The following TCF21 variants were observed in gnomAD, a reference collection of about 807,000 sequenced individuals.
TCF21 encodes capsulin.
TCF21 carries 3 observed loss-of-function variants against 13.5 expected under a neutral mutation model. The ratio of observed to expected loss-of-function variants is 0.22; its 90% CI spans 0.10 to 0.57. The LOEUF (loss-of-function observed/expected upper bound fraction) is 0.57. TCF21 is among the 20% of genes least tolerant of loss of function. The pLI is 0.92. For missense variants in TCF21, 181 were observed against 238.4 expected, an observed-to-expected ratio of 0.76 and a Z score of 1.59; for synonymous variants, 92 against 101.7, an observed-to-expected ratio of 0.90 and a Z score of 0.57.
chr6:133,889,272 G>C lies in TCF21; in HGVS notation c.-126G>C. 4 of 1,239,306 alleles carry C rather than the reference G, an allele frequency of 3.2e-6. No individual in the cohort carries two copies. Among genetic ancestry groups the C allele is most frequent in the Non-Finnish European group, 4.7e-6 (4 of 856,860 alleles). 76.8% of individuals were successfully genotyped at this position (1,239,306 alleles called of 1,614,324 possible). A position where few individuals can be genotyped will look rare whatever the true frequency, so the allele number is the denominator to read the frequency against. ...ACCCCAACTCCAGCTCCCAGCAGGA[G>C]GTGGCTGCGCCACACTCGGGAGGCC... On this transcript the variant is annotated 5_prime_UTR_variant, in exon 1 of 2. Coordinates refer to ENST00000367882, the MANE Select transcript of TCF21 (RefSeq NM_003206.4). The surrounding 1 kb of genome is among the most constrained non-coding windows in gnomAD (Gnocchi z 5.1).
Position 133,889,307 on chromosome 6 carries a change from C to T in TCF21, c.-91C>T. 1 of 1,547,132 alleles carries T rather than the reference C, an allele frequency of 6.5e-7. No homozygotes were observed. Among genetic ancestry groups the T allele is most frequent in the East Asian group, 2.2e-5 (1 of 44,576 alleles). ...CCACACTCGGGAGGCCTCTTGGTTT[C>T]AGGGTCTCTCTGTCTCTCTCTCACC... On this transcript the variant is annotated 5_prime_UTR_variant, in exon 1 of 2. Transcript: ENST00000367882. The surrounding 1 kb of genome is among the most constrained non-coding windows in gnomAD (Gnocchi z 5.1).
In TCF21 at chr6:133,889,618, A is replaced by C. The variant is rs758198915; in HGVS notation, c.221A>C (p.Gln74Pro). 1 of 1,612,574 alleles carries C rather than the reference A, an allele frequency of 6.2e-7. No individual in the cohort carries two copies. Among genetic ancestry groups the C allele is most frequent in the Admixed American group, 1.7e-5 (1 of 59,846 alleles). The change falls in exon 1 of 2, where the codon CAG (glutamine) becomes CCG (proline). Residue 74 changes from glutamine to proline, a missense_variant. Physicochemically the swap from Gln to Pro is moderately conservative, Grantham distance 76 (BLOSUM62 -1). Around this residue, in one of 3 missense-constraint regions of TCF21, gnomAD observed 91 missense variants for 98.5 expected, o/e 0.92. Transcript: ENST00000367882. The surrounding 1 kb of genome is among the most constrained non-coding windows in gnomAD (Gnocchi z 5.1). Reference protein sequence around the residue: ...TKKSPLSGVSQEGKQVQRNAA... With the variant: ...TKKSPLSGVSPEGKQVQRNAA... ...AAGAGCCCCCTGAGCGGGGTCAGCC[A>C]GGAGGGGAAGCAGGTCCAGCGCAAC...
rs3068172 is a variant in TCF21, at chr6:133,889,359, GTC to G, written c.-22_-21del. 3.7e-3 allele frequency: 4,972 copies of G among 1,350,646 alleles called. No homozygotes were observed. The highest frequency in any genetic ancestry group is 4.1e-3 in the East Asian group (117 of 28,558). The allele number at this position is 1,350,646 out of a possible 1,614,324, so 83.7% of individuals were successfully genotyped here. A position where few individuals can be genotyped will look rare whatever the true frequency, so the allele number is the denominator to read the frequency against. ...TCTTCCTCGCTTTCTCTGTCTCTCT[GTC>G]TCTCTCTCTCTCTCTCCCTCGTCCA... On this transcript the variant is annotated 5_prime_UTR_variant, in exon 1 of 2. Coordinates refer to ENST00000367882, the MANE Select transcript of TCF21 (RefSeq NM_003206.4). This position sits in a 1 kb window ranked among gnomAD's most constrained non-coding sequence, Gnocchi z 5.1.
chr6:133,889,666 C>T lies in TCF21; in HGVS notation c.269C>T (p.Ala90Val), dbSNP rs1384751255. 1 of 1,613,744 alleles carries T rather than the reference C, an allele frequency of 6.2e-7. No homozygotes were observed. Among genetic ancestry groups the T allele is most frequent in the Non-Finnish European group, 8.5e-7 (1 of 1,179,956 alleles). Reference sequence around the variant, plus strand: ...AACGCCGCCAACGCGCGAGAGCGGGCCCGCATGCGAGTGCTGAGCAAGGCC... The same window carrying T: ...AACGCCGCCAACGCGCGAGAGCGGGTCCGCATGCGAGTGCTGAGCAAGGCC... ...QRNAANARER[A>V]RMRVLSKAFS... is the part of the protein sequence containing the mutation. Residue 90 changes from alanine to valine, a missense_variant, in exon 1 of 2, where the codon GCC (alanine) becomes GTC (valine). Transcript: ENST00000367882. The surrounding 1 kb of genome is among the most constrained non-coding windows in gnomAD (Gnocchi z 5.1).
chr6:133,890,901 A>T (rs1273872791), intron 1 of TCF21, among the ~76,000 whole-genome samples: 1 of 152,210 alleles, frequency 6.6e-6, no homozygotes, highest in Admixed American at 6.5e-5. Context: ...TTTCTCTCCA[A>T]TTGAAAGTTT....
At chr6:133,890,559 C>T (rs1775195922) in intron 1 of TCF21, among the ~76,000 whole-genome samples, 1 of 152,138 alleles carries the variant, frequency 6.6e-6, no homozygotes, top group Non-Finnish European at 1.5e-5. Context: ...AAAAGTAATG[C>T]CCATTGAGCC....
Position 133,892,117 on chromosome 6 carries a change from G to A in TCF21, c.*315G>A. Reference sequence around the variant, plus strand: ...ATAAGAGCCTATCAATGTATCTTTTGTACAATATGTTGTAAAATGTAGATC... The same window carrying A: ...ATAAGAGCCTATCAATGTATCTTTTATACAATATGTTGTAAAATGTAGATC... On this transcript the variant is annotated 3_prime_UTR_variant, in exon 2 of 2. Coordinates refer to ENST00000367882, the MANE Select transcript of TCF21 (RefSeq NM_003206.4). 4.6e-6 allele frequency: 1 copy of A among 219,566 alleles called. No individual in the cohort carries two copies. The highest frequency in any genetic ancestry group is 9.2e-6 in the Non-Finnish European group (1 of 108,628). The allele number at this position is 219,566 out of a possible 1,614,324, so 13.6% of individuals were successfully genotyped here. A position where few individuals can be genotyped will look rare whatever the true frequency, so the allele number is the denominator to read the frequency against.
In TCF21 at chr6:133,889,827, T is replaced by C; in HGVS notation, c.430T>C (p.Tyr144His). The change falls in exon 1 of 2, where the codon TAC becomes CAC. Residue 144 changes from tyrosine (Y) to histidine (H), a missense_variant. Tyr to His is a moderately conservative substitution (Grantham distance 83, BLOSUM62 2). This residue lies in a region of TCF21 where 55 missense variants were observed against 59.5 expected (regional missense o/e 0.92). Transcript: ENST00000367882. The surrounding 1 kb of genome is among the most constrained non-coding windows in gnomAD (Gnocchi z 5.1). ...ILANDKYENG[Y>H]IHPVNLTWPF... ...GGCTAACGACAAATACGAGAACGGG[T>C]ACATTCACCCGGTCAACCTGGTGAG... The C allele has an allele frequency of 6.2e-7, 1 of 1,612,790 alleles. No individual in the cohort carries two copies. Among genetic ancestry groups the C allele is most frequent in the Non-Finnish European group, 8.5e-7 (1 of 1,179,804 alleles).
intron 1 of TCF21, among the ~76,000 whole-genome samples, chr6:133,890,703 A>G (rs1377003475): frequency 1.3e-5 from 2 of 152,220 alleles, no homozygotes; most frequent in Non-Finnish European, 2.9e-5. Flanking sequence ...AAGAAAAACA[A>G]TAACAACAAC....
chr6:133,893,236 T>G (rs1042420458), downstream of TCF21: 1 of 152,362 alleles, frequency 6.6e-6, no homozygotes, highest in African/African-American at 2.4e-5. Context: ...TGCCTGGCCA[T>G]GGAGGAAGGA....
rs1272295128 is a variant in TCF21 at position 133,892,175 on chromosome 6, A to T, written c.*373A>T. ...AGCTGACTTTGACAGTCACATTTAT[A>T]AAGTAATTCACTTAAAGATATATAT... On this transcript the variant is annotated 3_prime_UTR_variant, in exon 2 of 2. Coordinates refer to ENST00000367882, the MANE Select transcript of TCF21 (RefSeq NM_003206.4). The T allele has an allele frequency of 6.3e-6, 1 of 159,846 alleles. No individual in the cohort carries two copies. Among genetic ancestry groups the T allele is most frequent in the East Asian group, 1.8e-4 (1 of 5,714 alleles). 9.9% of individuals were successfully genotyped at this position (159,846 alleles called of 1,614,324 possible). A position where few individuals can be genotyped will look rare whatever the true frequency, so the allele number is the denominator to read the frequency against.
intron 1 of TCF21, 176 bp from the exon 2 acceptor site, chr6:133,891,537 A>C: frequency 1.4e-6 from 1 of 698,300 alleles, no homozygotes; most frequent in Non-Finnish European, 2.5e-6. Context: ...CAAAGCAGCT[A>C]TTTGCTTTAT....
Position 133,891,884 on chromosome 6 carries a change from T to G in TCF21, c.*82T>G. ...GGCGACCCCTGCCCTCAGTGCTCTC[T>G]GTCTCTGCTTCCCCCTCGCAATGCT... On this transcript the variant is annotated 3_prime_UTR_variant, in exon 2 of 2. Coordinates refer to ENST00000367882, the MANE Select transcript of TCF21 (RefSeq NM_003206.4). 3 of 1,413,650 alleles carry G rather than the reference T, an allele frequency of 2.1e-6. No homozygotes were observed. Among genetic ancestry groups the G allele is most frequent in the South Asian group, 1.2e-5 (1 of 84,118 alleles). 87.6% of individuals were successfully genotyped at this position (1,413,650 alleles called of 1,614,324 possible).
intron 1 of TCF21, among the ~76,000 whole-genome samples, 161 bp downstream of exon 1, chr6:133,890,008 C>A (rs991126303): frequency 6.6e-6 from 1 of 152,174 alleles, no homozygotes; most frequent in Non-Finnish European, 1.5e-5. Flanking sequence ...CGGAGGCGGG[C>A]GGTCTAGACA....
chr6:133,891,126 AT>A (rs200177591), intron 1 of TCF21, among the ~76,000 whole-genome samples: 1 of 151,938 alleles, frequency 6.6e-6, no homozygotes, highest in South Asian at 2.1e-4. Context: ...GTAGTATAGC[AT>A]TTTTTTTTCC....
chr6:133,894,725 A>AG (rs1331271438), downstream of TCF21: 5 of 152,356 alleles, frequency 3.3e-5, no homozygotes, highest in Non-Finnish European at 5.9e-5. Context: ...CAATATGAAT[A>AG]GGGGGTGAGT....
In TCF21 at chr6:133,889,345, T is replaced by C; in HGVS notation, c.-53T>C. The C allele has an allele frequency of 1.3e-6, 2 of 1,596,234 alleles. No individual in the cohort carries two copies. Among genetic ancestry groups the C allele is most frequent in the South Asian group, 1.1e-5 (1 of 90,764 alleles). ...TCTCTCTCTCACCCTCTTCCTCGCT[T>C]TCTCTGTCTCTCTGTCTCTCTCTCT... On this transcript the variant is annotated 5_prime_UTR_variant, in exon 1 of 2. Coordinates refer to ENST00000367882, the MANE Select transcript of TCF21 (RefSeq NM_003206.4). The surrounding 1 kb of genome is among the most constrained non-coding windows in gnomAD (Gnocchi z 5.1).
chr6:133,893,749 A>T (rs1304939944), downstream of TCF21: 1 of 152,158 alleles, frequency 6.6e-6, no homozygotes, highest in South Asian at 2.1e-4. Flanking sequence ...TTACAACCCC[A>T]ATCTATACAT....
chr6:133,894,224 T>C (rs1189213595), downstream of TCF21: 1 of 152,184 alleles, frequency 6.6e-6, no homozygotes, highest in African/African-American at 2.4e-5. Context: ...CTTTTTGGTA[T>C]CTATTGACTC....
Sources: allele counts gnomAD v4.1 joint callset (sites outside exome capture counted in the v4.1 genomes callset), GRCh38; gene constraint gnomAD v4.1.1; regional missense constraint gnomAD v4.1.1; non-coding constraint Gnocchi (gnomAD v3.1); transcripts MANE v1.5; gene names NCBI Gene and HGNC (gene_info 2026-07-23, HGNC 2026-07-21).